Variants in EYS observed in about 807,000 individuals in gnomAD.
The protein encoded by EYS is EGF-like photoreceptor maintenance factor.
A neutral mutation model predicts 282.1 loss-of-function variants in EYS; 250 were observed. That is an observed-to-expected ratio of 0.89 (90% confidence interval 0.80 to 0.98). EYS has a LOEUF of 0.98. Ranked by LOEUF, EYS falls within the 50% of genes least tolerant of loss-of-function variation. The pLI is 0.00. For missense variants in EYS, 4,016 were observed against 3,709.0 expected (o/e 1.08, Z -2.15); for synonymous variants, 1,355 against 1,282.9 (o/e 1.06, Z -1.20).
intron 12 of EYS, among the ~76,000 whole-genome samples, chr6:65,220,813 T>A (rs779985183): frequency 1.3e-4 from 20 of 152,086 alleles, no homozygotes; most frequent in Non-Finnish European, 2.9e-4. Flanking sequence ...TTGACCAAAA[T>A]GCTGACAGTG....
chr6:65,258,193 A>G (rs529741526), intron 12 of EYS, among the ~76,000 whole-genome samples: 1 of 152,082 alleles, frequency 6.6e-6, no homozygotes, highest in Non-Finnish European at 1.5e-5. Context: ...GAAGATATTA[A>G]CATGGATATC....
Position 65,653,854 on chromosome 6 carries a change from A to C in EYS, c.-447-13962T>G, listed in dbSNP as rs568485310. Among the ~76,000 whole-genome samples the C allele has an allele frequency of 2.6e-5, 4 of 151,988 alleles. 1 individual carries two copies. Among genetic ancestry groups the C allele is most frequent in the African/African-American group, 9.6e-5 (4 of 41,532 alleles). The stretch of plus-strand genomic sequence containing the variant: ...AAAGTCCAAGTGTCCTCTACATCTC[A>C]CATCCTTTGTGTCATCTATAAGGAC... On this transcript the variant is annotated intron_variant, in intron 1 of 42. Transcript: ENST00000503581.
chr6:65,238,813 TA>T (rs1275689006), intron 12 of EYS, among the ~76,000 whole-genome samples: 1 of 151,794 alleles, frequency 6.6e-6, no homozygotes, highest in Non-Finnish European at 1.5e-5. Flanking sequence ...AAATTTCATT[TA>T]AAAGTATTAG....
intron 31 of EYS, among the ~76,000 whole-genome samples, chr6:64,151,354 T>C (rs1424272044): frequency 4.3e-5 from 5 of 116,102 alleles, no homozygotes; most frequent in African/African-American, 1.7e-4. Flanking sequence ...TATATATATA[T>C]ATATATATAA....
intron 22 of EYS, among the ~76,000 whole-genome samples, chr6:64,697,778 C>T (rs1162720335): frequency 6.6e-6 from 1 of 151,876 alleles, no homozygotes; most frequent in Non-Finnish European, 1.5e-5. Flanking sequence ...CCCATCTCTA[C>T]TAAAAATATA....
intron 26 of EYS, among the ~76,000 whole-genome samples, chr6:64,562,491 A>T (rs1359011924): frequency 6.6e-6 from 1 of 151,952 alleles, no homozygotes; most frequent in East Asian, 1.9e-4. Flanking sequence ...TAAATATTCA[A>T]TAATACTGCT....
intron 18 of EYS, among the ~76,000 whole-genome samples, chr6:64,900,386 C>A (rs936497632): frequency 6.6e-6 from 1 of 152,062 alleles, no homozygotes; most frequent in Non-Finnish European, 1.5e-5. Context: ...CAAATGGGAT[C>A]GAATTAAACT....
At chr6:64,876,586 A>G (rs1562238298) in intron 19 of EYS, among the ~76,000 whole-genome samples, 1 of 152,156 alleles carries the variant, frequency 6.6e-6, no homozygotes, top group Non-Finnish European at 1.5e-5. Context: ...TTCAAGTAGT[A>G]AGAGAGAAAA....
intron 14 of EYS, among the ~76,000 whole-genome samples, chr6:64,980,643 G>GTATATGC (rs1242801846): frequency 6.6e-6 from 1 of 151,218 alleles, no homozygotes; most frequent in Non-Finnish European, 1.5e-5. Flanking sequence ...TTTATATGTT[G>GTATATGC]TATATGCTTT....
intron 22 of EYS, among the ~76,000 whole-genome samples, chr6:64,626,778 C>G (rs1419786867): frequency 6.6e-6 from 1 of 152,130 alleles, no homozygotes. Flanking sequence ...TTATCTTAAG[C>G]TAACGAGTTT....
intron 22 of EYS, among the ~76,000 whole-genome samples, chr6:64,799,907 C>A (rs1774485286): frequency 6.6e-6 from 1 of 151,752 alleles, no homozygotes. Context: ...TAATAACATT[C>A]TCTGACTGTC....
At chr6:64,257,816 A>T (rs913216897) in intron 30 of EYS, among the ~76,000 whole-genome samples, 1 of 151,428 alleles carries the variant, frequency 6.6e-6, no homozygotes, top group Non-Finnish European at 1.5e-5. Flanking sequence ...GTTGGCCATG[A>T]CAGCAACCGT....
chr6:65,481,588 G>C (rs760956668), intron 5 of EYS, among the ~76,000 whole-genome samples: 1 of 152,078 alleles, frequency 6.6e-6, no homozygotes, highest in Non-Finnish European at 1.5e-5. Flanking sequence ...TCGCTCTGTT[G>C]CCCAGGCTGA....
chr6:65,391,742 T>A (rs1259826504), intron 7 of EYS, among the ~76,000 whole-genome samples: 1 of 152,144 alleles, frequency 6.6e-6, no homozygotes, highest in African/African-American at 2.4e-5. Context: ...ATGGCCATAC[T>A]GCCCAAGGTA....
chr6:65,062,467 C>A (rs1773606562), intron 12 of EYS, among the ~76,000 whole-genome samples: 1 of 151,890 alleles, frequency 6.6e-6, no homozygotes, highest in African/African-American at 2.4e-5. Context: ...TCTGCTTTCA[C>A]TCTTACTCTA....
At chr6:63,936,860 A>G (rs76345004) in intron 35 of EYS, among the ~76,000 whole-genome samples, 2,175 of 152,336 alleles carry the variant, frequency 0.014, 48 homozygotes, top group African/African-American at 0.049. Context: ...GCAATCTAAA[A>G]TAAAATCAGT....
At chr6:64,887,946 T>C in intron 18 of EYS, among the ~76,000 whole-genome samples, 1 of 147,112 alleles carries the variant, frequency 6.8e-6, no homozygotes, top group African/African-American at 2.7e-5. Flanking sequence ...TGAATATGAA[T>C]GAAAACATGC....
At chr6:63,818,358 A>T (rs1045787696) in intron 36 of EYS, among the ~76,000 whole-genome samples, 1 of 152,210 alleles carries the variant, frequency 6.6e-6, no homozygotes, top group African/African-American at 2.4e-5. Flanking sequence ...ATAGTTAAGA[A>T]TACATTAAGT....
At chr6:65,237,248 T>A (rs1476096833) in intron 12 of EYS, among the ~76,000 whole-genome samples, 1 of 152,338 alleles carries the variant, frequency 6.6e-6, no homozygotes, top group South Asian at 2.1e-4. Flanking sequence ...TATACCCAGA[T>A]ACTATTCAAA....
Sources: allele counts gnomAD v4.1 joint callset (sites outside exome capture counted in the v4.1 genomes callset), GRCh38; gene constraint gnomAD v4.1.1; transcripts MANE v1.5; gene names NCBI Gene and HGNC (gene_info 2026-07-23, HGNC 2026-07-21).